TMEM236: variants seen among roughly 807,000 people sequenced by gnomAD.
TMEM236 encodes family with sequence similarity 23, member A.
A neutral mutation model predicts 14.7 loss-of-function variants in TMEM236; 11 were observed. The ratio of observed to expected loss-of-function variants is 0.75; its 90% CI spans 0.47 to 1.24. The LOEUF is 1.24. Ranked by LOEUF, TMEM236 falls within the 50% of genes most tolerant of loss-of-function variation. The probability of loss-of-function intolerance (pLI) is 0.00; values close to 1 mark genes in which losing one functional copy is unlikely to be tolerated. For synonymous variants in TMEM236, 182 were observed against 168.6 expected (o/e 1.08, Z -0.62); for missense variants, 464 against 427.3 (o/e 1.09, Z -0.76).
At chr10:17,786,171 C>T (rs1028587853) in intron 3 of TMEM236, among the ~76,000 whole-genome samples, 1 of 152,110 alleles carries the variant, frequency 6.6e-6, no homozygotes, top group African/African-American at 2.4e-5. Flanking sequence ...ACAAATATTT[C>T]AGGGAGACTG....
chr10:17,757,386 A>G (rs1837298744), intron 1 of TMEM236, among the ~76,000 whole-genome samples: 1 of 152,066 alleles, frequency 6.6e-6, no homozygotes, highest in East Asian at 1.9e-4. Context: ...TCGCTTGAGC[A>G]CAGGAGTTCA....
intron 2 of TMEM236, among the ~76,000 whole-genome samples, chr10:17,774,041 G>GTTTGTTTT (rs1837619042): frequency 6.6e-6 from 1 of 151,676 alleles, no homozygotes; most frequent in Non-Finnish European, 1.5e-5. Flanking sequence ...TTGTTTGTTT[G>GTTTGTTTT]TTTGTTTGTT....
Position 17,799,577 on chromosome 10 carries a change from A to G in TMEM236, c.*3073A>G, listed in dbSNP as rs1838065716. 2.0e-5 allele frequency: 3 copies of G among 152,454 alleles called. No individual in the cohort carries two copies. In the South Asian group the frequency reaches 6.2e-4, roughly 32 times the overall value. The allele number at this position is 152,454 out of a possible 1,614,324, so 9.4% of individuals were successfully genotyped here. ...GCCATTGCACACCAGCCTGGGTGAC[A>G]AGAGTCTCAAAAAAAAAATTATAAT... On this transcript the variant is annotated 3_prime_UTR_variant, in exon 4 of 4. Coordinates refer to ENST00000377495, the MANE Select transcript of TMEM236 (RefSeq NM_001098844.3).
chr10:17,785,743 C>CG (rs1837825429), intron 3 of TMEM236, among the ~76,000 whole-genome samples: 2 of 151,926 alleles, frequency 1.3e-5, no homozygotes, highest in African/African-American at 4.8e-5. Context: ...CGGGGACCAA[C>CG]CGGGGGGGGA....
In TMEM236 at chr10:17,798,218, A is replaced by G; in HGVS notation, c.*1714A>G. 1 of 233,926 alleles carries G rather than the reference A, an allele frequency of 4.3e-6. No homozygotes were observed. The highest frequency in any genetic ancestry group is 8.5e-6 in the Non-Finnish European group (1 of 118,024). The allele number at this position is 233,926 out of a possible 1,614,324, so 14.5% of individuals were successfully genotyped here. ...GTGATAACAAATCATTAAGAATGAG[A>G]CATATGGCTTAAGAATGAAGCTTAA... On this transcript the variant is annotated 3_prime_UTR_variant, in exon 4 of 4. Coordinates refer to ENST00000377495, the MANE Select transcript of TMEM236 (RefSeq NM_001098844.3).
chr10:17,758,837 T>C (rs1026803665), intron 1 of TMEM236, among the ~76,000 whole-genome samples: 3 of 152,244 alleles, frequency 2.0e-5, no homozygotes, highest in Admixed American at 6.5e-5. Context: ...AATGGTGAGA[T>C]CATTAGTATC....
At chr10:17,779,983 C>G (rs1004630981) in intron 3 of TMEM236, among the ~76,000 whole-genome samples, 2 of 152,158 alleles carry the variant, frequency 1.3e-5, no homozygotes, top group African/African-American at 4.8e-5. Context: ...GGCTTCCTGC[C>G]ACCGAGTTCT....
At chr10:17,794,022 A>G (rs1453279730) in intron 3 of TMEM236, among the ~76,000 whole-genome samples, 3 of 152,178 alleles carry the variant, frequency 2.0e-5, no homozygotes, top group African/African-American at 7.2e-5. Flanking sequence ...ACTGGAAGTA[A>G]TGTGTCATCA....
chr10:17,779,218 C>A (rs1056437369), intron 3 of TMEM236, among the ~76,000 whole-genome samples: 26 of 152,116 alleles, frequency 1.7e-4, no homozygotes, highest in African/African-American at 5.6e-4. Flanking sequence ...TAGGACATTA[C>A]CATTTTTACG....
intron 3 of TMEM236, among the ~76,000 whole-genome samples, chr10:17,788,479 G>C (rs1264442946): frequency 1.3e-5 from 2 of 151,762 alleles, no homozygotes; most frequent in African/African-American, 4.8e-5. Context: ...GGCTGGGCAT[G>C]GTGGCTCACA....
chr10:17,779,178 C>A (rs1252465964), intron 3 of TMEM236, among the ~76,000 whole-genome samples: 2 of 152,134 alleles, frequency 1.3e-5, no homozygotes, highest in African/African-American at 4.8e-5. Flanking sequence ...TGTATTAACG[C>A]TCATTTAGCA....
At chr10:17,758,540 G>A (rs1294220840) in intron 1 of TMEM236, among the ~76,000 whole-genome samples, 1 of 152,196 alleles carries the variant, frequency 6.6e-6, no homozygotes, top group African/African-American at 2.4e-5. Context: ...AGACAACTTA[G>A]TTTCTTTCTT....
intron 1 of TMEM236, among the ~76,000 whole-genome samples, chr10:17,758,401 T>A (rs2131740254): frequency 6.6e-6 from 1 of 152,272 alleles, no homozygotes; most frequent in Non-Finnish European, 1.5e-5. Context: ...AGTCAGTAAA[T>A]GGTGTGCCCC....
Position 17,756,974 on chromosome 10 carries a change from G to A in TMEM236, c.257+4422G>A, listed in dbSNP as rs1301018507. 2.6e-5 allele frequency among the ~76,000 whole-genome samples: 4 copies of A among 152,228 alleles called. No individual in the cohort carries two copies. The South Asian group carries it at 6.2e-4, about 24-fold the overall frequency. On this transcript the variant is annotated intron_variant, in intron 1 of 3. Transcript: ENST00000377495. ...ACTACATCTCTCAGTGATTTCTTTT[G>A]GGAAATACACTTCCAGTCTTTAGTT...
Position 17,768,727 on chromosome 10 carries a change from A to ATGTGTGTGTGTGTGTG in TMEM236, c.258-2563_258-2548dup, listed in dbSNP as rs570319904. The stretch of plus-strand genomic sequence containing the variant: ...AGTCATAGGGCTATGTATACAACTC[A>ATGTGTGTGTGTGTGTG]TGTGTGTGTGTGTGTGTGTGTGTGT... On this transcript the variant is annotated intron_variant, in intron 1 of 3. Coordinates refer to ENST00000377495, the MANE Select transcript of TMEM236 (RefSeq NM_001098844.3). 2.7e-3 allele frequency among the ~76,000 whole-genome samples: 391 copies of ATGTGTGTGTGTGTGTG among 144,292 alleles called. 2 individuals are homozygous for ATGTGTGTGTGTGTGTG. The highest frequency in any genetic ancestry group is 3.8e-3 in the Non-Finnish European group (247 of 65,588). 94.7% of individuals were successfully genotyped at this position (144,292 alleles called of 152,430 possible). A position where few individuals can be genotyped will look rare whatever the true frequency, so the allele number is the denominator to read the frequency against.
At chr10:17,762,573 T>TTATA (rs1837382974) in intron 1 of TMEM236, among the ~76,000 whole-genome samples, 1 of 77,108 alleles carries the variant, frequency 1.3e-5, no homozygotes, top group Non-Finnish European at 2.6e-5. Context: ...TATCTGAATT[T>TTATA]CATATATATA....
At chr10:17,767,025 AC>A (rs1217586739) in intron 1 of TMEM236, among the ~76,000 whole-genome samples, 5 of 152,218 alleles carry the variant, frequency 3.3e-5, no homozygotes, top group African/African-American at 1.2e-4. Flanking sequence ...TTGGATTAGG[AC>A]CCACCTTAAT....
At chr10:17,776,710 A>C (rs909655149) in intron 3 of TMEM236, among the ~76,000 whole-genome samples, 38 of 152,286 alleles carry the variant, frequency 2.5e-4, no homozygotes, top group African/African-American at 8.4e-4. Flanking sequence ...CAGGATGGGA[A>C]GATGGCATGA....
intron 3 of TMEM236, among the ~76,000 whole-genome samples, chr10:17,783,174 C>G (rs1056002530): frequency 6.6e-6 from 1 of 152,128 alleles, no homozygotes; most frequent in Non-Finnish European, 1.5e-5. Flanking sequence ...TGCAGAGTGT[C>G]CTCAGAAGGC....
Sources: gnomAD v4.1 joint callset for allele counts (sites outside exome capture counted in the v4.1 genomes callset) on GRCh38, gnomAD v4.1.1 for gene constraint, MANE v1.5 for transcripts, NCBI Gene and HGNC (gene_info 2026-07-23, HGNC 2026-07-21) for gene names.